Variants in MCTP2 observed in about 807,000 individuals in gnomAD.
MCTP2 encodes multiple C2 and transmembrane domain-containing protein 2.
A neutral mutation model predicts 111.6 loss-of-function variants in MCTP2; 132 were observed. The ratio of observed to expected loss-of-function variants is 1.18; its 90% confidence interval spans 1.03 to 1.37. The LOEUF (loss-of-function observed/expected upper bound fraction) is 1.37. Among genes scored for constraint, MCTP2 ranks in the 40% most tolerant of loss-of-function variants. The pLI, the probability that MCTP2 is intolerant of heterozygous loss-of-function variation, is 0.00. For synonymous variants in MCTP2, 395 were observed against 387.7 expected (o/e 1.02, Z -0.22); for missense variants, 1,183 against 1,067.9 (o/e 1.11, Z -1.50).
At chr15:94,464,371 G>GATTTAACGTTGTTTATAACATCCTCTT in intron 20 of MCTP2, among the ~76,000 whole-genome samples, 1 of 133,978 alleles carries the variant, frequency 7.5e-6, no homozygotes, top group East Asian at 2.1e-4. Context: ...TCTACTTGTT[G>GATTTAACGTTGTTTATAACATCCTCTT]ATTTAATGTT....
At chr15:94,285,579 A>G (rs913438777) in intron 1 of MCTP2, among the ~76,000 whole-genome samples, 3 of 152,150 alleles carry the variant, frequency 2.0e-5, no homozygotes, top group Non-Finnish European at 4.4e-5. Flanking sequence ...TACACATTTT[A>G]TTGAATTCAT....
At chr15:94,351,153 T>A (rs1388169713) in intron 8 of MCTP2, among the ~76,000 whole-genome samples, 2 of 152,226 alleles carry the variant, frequency 1.3e-5, no homozygotes, top group Admixed American at 6.5e-5. Flanking sequence ...AAATTGCAAC[T>A]TCTGTGGACT....
At chr15:94,279,133 G>GT (rs148126199) in intron 1 of MCTP2, among the ~76,000 whole-genome samples, 9 of 151,988 alleles carry the variant, frequency 5.9e-5, no homozygotes, top group East Asian at 1.9e-4. Flanking sequence ...TTTTAGAATA[G>GT]TTTTTTTTCT....
At chr15:94,335,377 C>T (rs965709727) in intron 4 of MCTP2, among the ~76,000 whole-genome samples, 1 of 152,128 alleles carries the variant, frequency 6.6e-6, no homozygotes, top group African/African-American at 2.4e-5. Context: ...AGGATGTTAA[C>T]CTACAAAGCC....
intron 14 of MCTP2, among the ~76,000 whole-genome samples, chr15:94,390,050 A>G (rs1481945248): frequency 2.3e-4 from 1 of 4,360 alleles, no homozygotes; most frequent in Non-Finnish European, 1.5e-3. Flanking sequence ...TGTTCAAGGC[A>G]TATATATATA....
intron 1 of MCTP2, among the ~76,000 whole-genome samples, chr15:94,232,736 G>T (rs1342284295): frequency 6.6e-6 from 1 of 152,172 alleles, no homozygotes; most frequent in African/African-American, 2.4e-5. Context: ...TGCCTCAGCA[G>T]CACCTGTGTA....
chr15:94,278,989 TA>T (rs371046918), intron 1 of MCTP2, among the ~76,000 whole-genome samples: 18 of 152,328 alleles, frequency 1.2e-4, no homozygotes, highest in African/African-American at 4.3e-4. Context: ...TCTGTTTTTG[TA>T]CCAATACCAT....
At chr15:94,426,087 C>T (rs2082873794) in intron 17 of MCTP2, among the ~76,000 whole-genome samples, 1 of 150,546 alleles carries the variant, frequency 6.6e-6, no homozygotes, top group South Asian at 2.1e-4. Flanking sequence ...TTGCTTTTGA[C>T]CATTGATTAT....
chr15:94,259,687 G>T lies in MCTP2; in HGVS notation c.-66+28023G>T, dbSNP rs148587990. ...ACTCCAAAAACAAACCTGGCCCAAG[G>T]TTGGTTTAACCTCTGTGATGATTAT... On this transcript the variant is annotated intron_variant, in intron 1 of 22. Transcript: ENST00000357742. Among the ~76,000 whole-genome samples, 91 of 152,272 alleles carry T rather than the reference G, an allele frequency of 6.0e-4. 1 individual carries two copies. In the Middle Eastern group the frequency reaches 0.01, roughly 17 times the overall value.
chr15:94,421,509 T>C (rs993143821), intron 17 of MCTP2, among the ~76,000 whole-genome samples: 1 of 152,166 alleles, frequency 6.6e-6, no homozygotes, highest in African/African-American at 2.4e-5. Flanking sequence ...TCTTTTTCCA[T>C]CTGGAGGATC....
intron 17 of MCTP2, among the ~76,000 whole-genome samples, chr15:94,428,051 G>T (rs781529978): frequency 6.6e-6 from 1 of 152,120 alleles, no homozygotes; most frequent in Non-Finnish European, 1.5e-5. Flanking sequence ...CTTCACTCTC[G>T]TAAGTCAATG....
At chr15:94,384,420 A>G (rs1458364548) in intron 13 of MCTP2, among the ~76,000 whole-genome samples, 1 of 152,176 alleles carries the variant, frequency 6.6e-6, no homozygotes, top group Non-Finnish European at 1.5e-5. Flanking sequence ...TCGTGGGTTA[A>G]GGAAATGGAG....
chr15:94,238,351 C>G (rs965040297), intron 1 of MCTP2, among the ~76,000 whole-genome samples: 2 of 151,920 alleles, frequency 1.3e-5, no homozygotes, highest in Non-Finnish European at 2.9e-5. Context: ...TAATGTATAT[C>G]GTATGAATCA....
At chr15:94,472,796 T>C (rs1190573206) in intron 21 of MCTP2, among the ~76,000 whole-genome samples, 1 of 152,226 alleles carries the variant, frequency 6.6e-6, no homozygotes, top group Non-Finnish European at 1.5e-5. Context: ...CATCCTAGAA[T>C]ATATTCTGTA....
intron 1 of MCTP2, among the ~76,000 whole-genome samples, chr15:94,264,941 C>A (rs1286214032): frequency 6.6e-6 from 1 of 152,140 alleles, no homozygotes; most frequent in Non-Finnish European, 1.5e-5. Context: ...GCCTGATTCT[C>A]ACTATCTTTT....
intron 1 of MCTP2, among the ~76,000 whole-genome samples, chr15:94,245,501 T>C (rs1247809879): frequency 7.1e-6 from 1 of 141,000 alleles, no homozygotes; most frequent in Non-Finnish European, 1.5e-5. Context: ...TATGTATTTA[T>C]ATATGTATAC....
At chr15:94,393,677 G>GGATAATATC (rs372530846) in intron 14 of MCTP2, among the ~76,000 whole-genome samples, 26 of 151,964 alleles carry the variant, frequency 1.7e-4, no homozygotes, top group African/African-American at 6.0e-4. Flanking sequence ...CTAAACAAAT[G>GGATAATATC]GATAATATCA....
At chr15:94,314,704 T>C in intron 3 of MCTP2, 1 of 477,582 alleles carries the variant, frequency 2.1e-6, no homozygotes, top group Non-Finnish European at 4.1e-6. Context: ...ATAAATGATT[T>C]TATTTGCCCT....
intron 20 of MCTP2, among the ~76,000 whole-genome samples, chr15:94,460,648 TGAG>T (rs1236883963): frequency 2.6e-5 from 4 of 152,162 alleles, no homozygotes; most frequent in South Asian, 2.1e-4. Flanking sequence ...GAAATGTGTC[TGAG>T]GAGAGAAGAG....
Sources: allele counts gnomAD v4.1 joint callset (sites outside exome capture counted in the v4.1 genomes callset), GRCh38; gene constraint gnomAD v4.1.1; transcripts MANE v1.5; gene names NCBI Gene and HGNC (gene_info 2026-07-23, HGNC 2026-07-21).